The following ATP9B variants were observed in gnomAD, a reference collection of about 807,000 sequenced individuals.
ATP9B encodes ATPase phospholipid transporting 9B.
A neutral mutation model predicts 146.1 loss-of-function variants in ATP9B; 110 were observed. The ratio of observed to expected loss-of-function variants is 0.75; its 90% CI spans 0.65 to 0.88. The LOEUF (loss-of-function observed/expected upper bound fraction) is 0.88, where lower values mean the gene tolerates loss of function less well. ATP9B is among the 40% of genes least tolerant of loss of function. ATP9B has a pLI of 0.00. For missense variants in ATP9B, 1,499 were observed against 1,496.4 expected, an observed-to-expected ratio of 1.00 and a Z score of -0.03; for synonymous variants, 604 against 569.7, an observed-to-expected ratio of 1.06 and a Z score of -0.86.
rs1555723402 is a variant in ATP9B, at chr18:79,071,049, C to CTTTTTTCTTTTT, written c.119+1526_119+1527insCTTTTTTTTTTT. 3.3e-3 allele frequency among the ~76,000 whole-genome samples: 376 copies of CTTTTTTCTTTTT among 112,314 alleles called. 8 individuals carry two copies. Among genetic ancestry groups the CTTTTTTCTTTTT allele is most frequent in the African/African-American group, 0.013 (360 of 28,452 alleles). 73.7% of individuals were successfully genotyped at this position (112,314 alleles called of 152,430 possible). A position where few individuals can be genotyped will look rare whatever the true frequency, so the allele number is the denominator to read the frequency against. ...CTGATTCTCATTCTGATTCCTGTTT[C>CTTTTTTCTTTTT]TTTTTTTTTTTTTTTTTGCCACTTT... is the stretch of plus-strand genomic sequence containing the variant. On this transcript the variant is annotated intron_variant, in intron 1 of 29. Coordinates refer to ENST00000426216, the MANE Select transcript of ATP9B (RefSeq NM_198531.5).
At chr18:79,367,067 C>T (rs965005986) in intron 26 of ATP9B, among the ~76,000 whole-genome samples, 1 of 149,912 alleles carries the variant, frequency 6.7e-6, no homozygotes, top group Non-Finnish European at 1.5e-5. Flanking sequence ...CACATATCTT[C>T]ACCTCCACCG....
At chr18:79,200,365 T>G (rs949609911) in intron 9 of ATP9B, among the ~76,000 whole-genome samples, 3 of 152,190 alleles carry the variant, frequency 2.0e-5, no homozygotes, top group African/African-American at 7.2e-5. Context: ...TAGTTGGAGA[T>G]TTTAATACCC....
At chr18:79,135,765 G>T (rs988643808) in intron 5 of ATP9B, among the ~76,000 whole-genome samples, 8 of 152,058 alleles carry the variant, frequency 5.3e-5, no homozygotes, top group African/African-American at 1.9e-4. Flanking sequence ...TTTTCTTCTA[G>T]AAGTTTTTTT....
At chr18:79,070,646 T>C (rs955574572) in intron 1 of ATP9B, among the ~76,000 whole-genome samples, 5 of 152,116 alleles carry the variant, frequency 3.3e-5, no homozygotes, top group African/African-American at 1.2e-4. Flanking sequence ...TAGGTTTCCA[T>C]CACAGATTGA....
intron 12 of ATP9B, among the ~76,000 whole-genome samples, chr18:79,264,289 C>G (rs1158096427): frequency 6.6e-6 from 1 of 152,134 alleles, no homozygotes; most frequent in African/African-American, 2.4e-5. Context: ...GATCATTTCC[C>G]AGATTGATAA....
At chr18:79,071,049 C>CTTTTTTTTT (rs746689031) in intron 1 of ATP9B, among the ~76,000 whole-genome samples, 42 of 112,296 alleles carry the variant, frequency 3.7e-4, no homozygotes, top group Non-Finnish European at 4.7e-4. Context: ...ATTCCTGTTT[C>CTTTTTTTTT]TTTTTTTTTT....
At chr18:79,342,829 G>A (rs981440154) in intron 20 of ATP9B, among the ~76,000 whole-genome samples, 13 of 152,014 alleles carry the variant, frequency 8.6e-5, no homozygotes, top group African/African-American at 1.2e-4. Context: ...CAAGTTATAC[G>A]TGTTACATGT....
chr18:79,180,774 C>G (rs1266942030), intron 8 of ATP9B, among the ~76,000 whole-genome samples: 1 of 144,056 alleles, frequency 6.9e-6, no homozygotes, highest in African/African-American at 2.7e-5. Context: ...TGAAAATTGT[C>G]TTTATTTTGC....
intron 12 of ATP9B, among the ~76,000 whole-genome samples, chr18:79,274,641 A>G (rs2096288233): frequency 2.0e-5 from 3 of 152,088 alleles, no homozygotes; most frequent in Admixed American, 2.0e-4. Flanking sequence ...CATACTCCCT[A>G]TGTGGTATTA....
At chr18:79,155,083 A>G (rs35328892) in intron 7 of ATP9B, among the ~76,000 whole-genome samples, 10,243 of 152,290 alleles carry the variant, frequency 0.067, 408 homozygotes, top group Non-Finnish European at 0.095. Context: ...AGTTTTATTC[A>G]GCGATTCAGC....
chr18:79,280,058 C>T (rs1165698452), intron 13 of ATP9B, among the ~76,000 whole-genome samples: 2 of 152,110 alleles, frequency 1.3e-5, no homozygotes, highest in Non-Finnish European at 2.9e-5. Flanking sequence ...TTAACAAAAG[C>T]AAGCAACTGT....
At chr18:79,214,700 CATTTTT>C (rs1435787695) in intron 11 of ATP9B, among the ~76,000 whole-genome samples, 1 of 152,130 alleles carries the variant, frequency 6.6e-6, no homozygotes, top group Non-Finnish European at 1.5e-5. Flanking sequence ...TGATTTTACT[CATTTTT>C]ATTTAAAATG....
chr18:79,076,353 T>C (rs1418630363), intron 1 of ATP9B, among the ~76,000 whole-genome samples: 1 of 152,208 alleles, frequency 6.6e-6, no homozygotes, highest in Non-Finnish European at 1.5e-5. Context: ...GGAAACAAAT[T>C]CTCTTTGTTT....
chr18:79,200,726 G>GAACT (rs1433463736), intron 9 of ATP9B, among the ~76,000 whole-genome samples: 1,765 of 149,084 alleles, frequency 0.012, 161 homozygotes, highest in Middle Eastern at 0.021. Flanking sequence ...GTGGAGGTGG[G>GAACT]GACTGTCGGG....
At chr18:79,269,926 A>T (rs1324109771) in intron 12 of ATP9B, among the ~76,000 whole-genome samples, 1 of 152,206 alleles carries the variant, frequency 6.6e-6, no homozygotes, top group Non-Finnish European at 1.5e-5. Context: ...TAGTGTTACC[A>T]TTGGATAGAA....
At chr18:79,111,927 A>G (rs1039496109) in intron 3 of ATP9B, among the ~76,000 whole-genome samples, 5 of 152,190 alleles carry the variant, frequency 3.3e-5, no homozygotes, top group African/African-American at 4.8e-5. Flanking sequence ...ACGAATGGCA[A>G]TTTCTAAGTT....
At chr18:79,157,396 C>CAAAAAAAAAAAA (rs147316668) in intron 7 of ATP9B, among the ~76,000 whole-genome samples, 47 of 48,572 alleles carry the variant, frequency 9.7e-4, no homozygotes, top group East Asian at 7.2e-3. Context: ...AACTCCATCT[C>CAAAAAAAAAAAA]AAAAAAAAAA....
intron 11 of ATP9B, among the ~76,000 whole-genome samples, chr18:79,240,859 T>A (rs1045077827): frequency 4.6e-5 from 7 of 152,170 alleles, no homozygotes; most frequent in Non-Finnish European, 1.0e-4. Flanking sequence ...TTTGGCAGTG[T>A]CGGGCCAAGG....
Position 79,347,853 on chromosome 18 carries a change from G to A in ATP9B, c.2766G>A (p.Arg922=). ...GCAGGCTGCTCATGGTGCACGGGCG[G>A]AACAGCTACAAGAGGTCGGCGGCAC... ...HIGRLLMVHG[R]NSYKRSAALG... The change falls in exon 24 of 30, where the codon CGG becomes CGA. Residue 922 remains arginine, a synonymous_variant. Transcript: ENST00000426216. The A allele has an allele frequency of 1.2e-6, 2 of 1,613,824 alleles. No homozygotes were observed. Among genetic ancestry groups the A allele is most frequent in the South Asian group, 1.1e-5 (1 of 91,066 alleles).
Sources: allele counts gnomAD v4.1 joint callset (sites outside exome capture counted in the v4.1 genomes callset), GRCh38; gene constraint gnomAD v4.1.1; transcripts MANE v1.5; gene names NCBI Gene and HGNC (gene_info 2026-07-23, HGNC 2026-07-21).